The following SPATA31A1 variants were observed in gnomAD, a reference collection of about 807,000 sequenced individuals.
SPATA31A1 encodes the protein SPATA31 subfamily A member 1, also known as spermatogenesis-associated protein 31A1.
For missense variants in SPATA31A1, 579 were observed against 1,476.3 expected, an observed-to-expected ratio of 0.39 and a Z score of 9.96; for synonymous variants, 194 against 573.4, an observed-to-expected ratio of 0.34 and a Z score of 9.45.
Position 39,357,765 on chromosome 9 carries a change from A to G in SPATA31A1, c.255A>G (p.Arg85=). ...RMKNHSLRAG[R]ECPRGLQETS... is the part of the protein sequence containing the mutation. ...CAGTCTCCTGATTTCCAGCTGGTAG[A>G]GAGTGCCCGAGAGGCCTGCAGGAGA... Residue 85 remains arginine (R), a synonymous_variant, in exon 3 of 4, where the codon AGA becomes AGG. Transcript: ENST00000377647. The G allele has an allele frequency of 6.4e-7, 1 of 1,562,994 alleles. No individual in the cohort carries two copies. Among genetic ancestry groups the G allele is most frequent in the Non-Finnish European group, 8.7e-7 (1 of 1,146,786 alleles).
At position 39,361,211 on chromosome 9, in the gene SPATA31A1, A is replaced by G. The variant is rs1353973363; in HGVS notation, c.3446A>G (p.Gln1149Arg). 35 of 1,611,538 alleles carry G rather than the reference A, an allele frequency of 2.2e-5. 1 individual carries two copies. In the Admixed American group the frequency reaches 2.5e-4, roughly 12 times the overall value. The change falls in exon 4 of 4, where the codon CAG becomes CGG. Residue 1149 changes from glutamine to arginine, a missense_variant. Transcript: ENST00000377647. ...TEDTHQDEGV[Q>R]LLPSKKQPPS... ...GACACCCATCAGGATGAAGGCGTCCAGCTACTGCCATCAAAGAAACAGCCT... is the reference window on the plus strand; with the variant it reads ...GACACCCATCAGGATGAAGGCGTCCGGCTACTGCCATCAAAGAAACAGCCT...
At position 39,358,734 on chromosome 9, in the gene SPATA31A1, T is replaced by C. The variant is rs1587773360; in HGVS notation, c.969T>C (p.Asp323=). 6.2e-7 allele frequency: 1 copy of C among 1,604,882 alleles called. No individual in the cohort carries two copies. Among genetic ancestry groups the C allele is most frequent in the Non-Finnish European group, 8.5e-7 (1 of 1,179,798 alleles). ...EAGSLFLLSS[D]GQNAVGIQVT... ...GTAGCCTGTTTTTGCTCAGCTCTGATGGCCAGAATGCCGTGGGGATACAAG... is the reference window on the plus strand; with the variant it reads ...GTAGCCTGTTTTTGCTCAGCTCTGACGGCCAGAATGCCGTGGGGATACAAG... The change falls in exon 4 of 4, where the codon GAT becomes GAC. Residue 323 remains aspartate, a synonymous_variant. Transcript: ENST00000377647.
chr9:39,361,235 C>T lies in SPATA31A1; in HGVS notation c.3470C>T (p.Pro1157Leu). The T allele has an allele frequency of 6.2e-7, 1 of 1,611,628 alleles. No homozygotes were observed. Among genetic ancestry groups the T allele is most frequent in the East Asian group, 2.2e-5 (1 of 44,882 alleles). Reference sequence around the variant, plus strand: ...CAGCTACTGCCATCAAAGAAACAGCCTCCTTCAGTAAGCCACTTTGGAGGA... The same window carrying T: ...CAGCTACTGCCATCAAAGAAACAGCTTCCTTCAGTAAGCCACTTTGGAGGA... ...GVQLLPSKKQ[P>L]PSVSHFGGNI... The change falls in exon 4 of 4, where the codon CCT (proline) becomes CTT (leucine). Residue 1157 changes from proline (P) to leucine (L), a missense_variant. Physicochemically the swap from Pro to Leu is moderately conservative, Grantham distance 98. Coordinates refer to ENST00000377647, the MANE Select transcript of SPATA31A1 (RefSeq NM_001085452.4).
In SPATA31A1 at chr9:39,359,185, C is replaced by T; in HGVS notation, c.1420C>T (p.His474Tyr). 1 of 1,611,868 alleles carries T rather than the reference C, an allele frequency of 6.2e-7. No homozygotes were observed. The highest frequency in any genetic ancestry group is 8.5e-7 in the Non-Finnish European group (1 of 1,179,858). Residue 474 changes from histidine to tyrosine, a missense_variant, in exon 4 of 4, where the codon CAT becomes TAT. Physicochemically the swap from His to Tyr is moderately conservative, Grantham distance 83. Coordinates refer to ENST00000377647, the MANE Select transcript of SPATA31A1 (RefSeq NM_001085452.4). ...PLLFQAQPPS[H>Y]LGPECQPFIS... ...GCTTTTCCAGGCCCAGCCCCCGTCC[C>T]ATCTGGGGCCCGAGTGCCAACCCTT...
rs1823463231 is a variant in SPATA31A1 at position 39,361,392 on chromosome 9, C to T, written c.3627C>T (p.Leu1209=). Reference sequence around the variant, plus strand: ...GCAGCAGTGCTGAAGCTCAGGGTCTCATGACGGCAGTTGGACAAATGCTGG... The same window carrying T: ...GCAGCAGTGCTGAAGCTCAGGGTCTTATGACGGCAGTTGGACAAATGCTGG... The part of the protein sequence containing the change: ...VYSSSAEAQG[L]MTAVGQMLDE... Residue 1209 remains leucine, a synonymous_variant, in exon 4 of 4, where the codon CTC becomes CTT. Coordinates refer to ENST00000377647, the MANE Select transcript of SPATA31A1 (RefSeq NM_001085452.4). The T allele has an allele frequency of 8.7e-6, 14 of 1,613,634 alleles. No homozygotes were observed. The highest frequency in any genetic ancestry group is 1.1e-5 in the Non-Finnish European group (13 of 1,179,838).
chr9:39,361,892 A>G lies in SPATA31A1; in HGVS notation c.*83A>G, dbSNP rs1239796281. 1.6e-4 allele frequency: 247 copies of G among 1,582,316 alleles called. 5 individuals carry two copies. In the African/African-American group the frequency reaches 2.9e-3, roughly 18 times the overall value. On this transcript the variant is annotated 3_prime_UTR_variant, in exon 4 of 4. Transcript: ENST00000377647. Reference sequence around the variant, plus strand: ...AAAAATTCACTCTATGTAGAGAAAAAATATTTTCTCTCATGTTAGTACATG... The same window carrying G: ...AAAAATTCACTCTATGTAGAGAAAAGATATTTTCTCTCATGTTAGTACATG...
Position 39,358,463 on chromosome 9 carries a change from C to T in SPATA31A1, c.698C>T (p.Thr233Ile). The T allele has an allele frequency of 6.4e-7, 1 of 1,562,184 alleles. No homozygotes were observed. The highest frequency in any genetic ancestry group is 8.6e-7 in the Non-Finnish European group (1 of 1,158,268). The change falls in exon 4 of 4, where the codon ACA becomes ATA. Residue 233 changes from threonine to isoleucine, a missense_variant. By Grantham distance (89) the Thr-to-Ile change is moderately conservative. Transcript: ENST00000377647. ...GFTAPPLRDSTLITPSHCDSV... is the reference protein window; with the variant it reads ...GFTAPPLRDSILITPSHCDSV... The stretch of plus-strand genomic sequence containing the variant: ...ACTGCTCCTCCCCTGCGGGACTCCA[C>T]ACTGATAACTCCATCTCACTGTGAC...
In SPATA31A1 at chr9:39,355,942, C is replaced by T. The variant is rs531311601; in HGVS notation, c.189+23C>T. ...AAGGTAAGGAACCCTCAGTCCCAAC[C>T]CACAGAGCTTGATTCTCTCCTTTCT... On this transcript the variant is annotated intron_variant, in intron 1 of 3. Transcript: ENST00000377647. 4.3e-3 allele frequency: 803 copies of T among 187,680 alleles called. 8 individuals carry two copies. The highest frequency in any genetic ancestry group is 6.0e-3 in the Non-Finnish European group (697 of 116,876). The allele number at this position is 187,680 out of a possible 1,614,324, so 11.6% of individuals were successfully genotyped here.
chr9:39,361,915 A>T lies in SPATA31A1; in HGVS notation c.*106A>T. On this transcript the variant is annotated 3_prime_UTR_variant, in exon 4 of 4. Transcript: ENST00000377647. ...AAAATATTTTCTCTCATGTTAGTAC[A>T]TGCAGAACATTTAATATACCACAAT... is the stretch of plus-strand genomic sequence containing the variant. 7.6e-7 allele frequency: 1 copy of T among 1,314,928 alleles called. No individual in the cohort carries two copies. The highest frequency in any genetic ancestry group is 1.4e-5 in the South Asian group (1 of 72,740). The allele number at this position is 1,314,928 out of a possible 1,614,324, so 81.5% of individuals were successfully genotyped here. A position where few individuals can be genotyped will look rare whatever the true frequency, so the allele number is the denominator to read the frequency against.
chr9:39,358,019 T>A, intron 3 of SPATA31A1, 55 bp from the exon 4 acceptor site: 2 of 1,484,906 alleles, frequency 1.3e-6, no homozygotes, highest in South Asian at 1.2e-5. Flanking sequence ...GCACCCACTC[T>A]GCCCTCCGGC....
chr9:39,361,565 G>T lies in SPATA31A1; in HGVS notation c.3800G>T (p.Ser1267Ile), dbSNP rs1823469556. The T allele has an allele frequency of 5.6e-6, 9 of 1,613,222 alleles. No homozygotes were observed. In the Admixed American group the frequency reaches 8.3e-5, roughly 15 times the overall value. ...EHGRILSYAASSQQATLKSQG... is the reference protein window; with the variant it reads ...EHGRILSYAAISQQATLKSQG... Reference sequence around the variant, plus strand: ...GGCAGAATACTGAGCTATGCAGCCAGCAGTCAACAAGCCACTCTCAAGAGC... The same window carrying T: ...GGCAGAATACTGAGCTATGCAGCCATCAGTCAACAAGCCACTCTCAAGAGC... Residue 1267 changes from serine to isoleucine, a missense_variant, in exon 4 of 4, where the codon AGC becomes ATC. Transcript: ENST00000377647.
Position 39,361,785 on chromosome 9 carries a change from C to T in SPATA31A1, c.4020C>T (p.His1340=). ...ASSHHHHCPR[H]CLLWEGI ...GCCACCATCACCACTGTCCAAGGCA[C>T]TGTCTTCTTTGGGAAGGTATCTGAT... is the stretch of plus-strand genomic sequence containing the variant. Residue 1340 remains histidine, a synonymous_variant, in exon 4 of 4, where the codon CAC becomes CAT. Transcript: ENST00000377647. 6 of 1,611,866 alleles carry T rather than the reference C, an allele frequency of 3.7e-6. No homozygotes were observed. Among genetic ancestry groups the T allele is most frequent in the Non-Finnish European group, 5.1e-6 (6 of 1,179,788 alleles).
rs1823387765 is a variant in SPATA31A1, at chr9:39,358,650, A to T, written c.885A>T (p.Ser295=). ...ETARTSCAFN[S]SVQQDHLSRH... is the part of the protein sequence containing the mutation. ...CCAGAACCTCGTGCGCCTTTAACTC[A>T]TCAGTCCAGCAAGATCATCTTTCCC... The change falls in exon 4 of 4, where the codon TCA becomes TCT. Residue 295 remains serine (S), a synonymous_variant. Transcript: ENST00000377647. 1 of 1,607,360 alleles carries T rather than the reference A, an allele frequency of 6.2e-7. No homozygotes were observed. The highest frequency in any genetic ancestry group is 1.7e-5 in the Admixed American group (1 of 59,898).
At position 39,358,831 on chromosome 9, in the gene SPATA31A1, C is replaced by T; in HGVS notation, c.1066C>T (p.Pro356Ser). ...TGGATCATTTACAGATCGAATGACC[C>T]CAGAAAAGCACTTAAATTCTTTGCG... ...NVGSFTDRMT[P>S]EKHLNSLRNL... The change falls in exon 4 of 4, where the codon CCA (proline) becomes TCA (serine). Residue 356 changes from proline (P) to serine (S), a missense_variant. Physicochemically the swap from Pro to Ser is moderately conservative, Grantham distance 74 (BLOSUM62 -1). Transcript: ENST00000377647. 3.8e-6 allele frequency: 6 copies of T among 1,596,544 alleles called. No individual in the cohort carries two copies. The highest frequency in any genetic ancestry group is 1.7e-5 in the Admixed American group (1 of 59,986).
chr9:39,359,324 A>G lies in SPATA31A1; in HGVS notation c.1559A>G (p.Asn520Ser). The change falls in exon 4 of 4, where the codon AAC becomes AGC. Residue 520 changes from asparagine to serine, a missense_variant. By Grantham distance (46) the Asn-to-Ser change is conservative. Coordinates refer to ENST00000377647, the MANE Select transcript of SPATA31A1 (RefSeq NM_001085452.4). ...LSPAFPSLIK[N>S]TGVACPASQN... Reference sequence around the variant, plus strand: ...CCTGCTTTTCCATCCCTGATTAAGAACACTGGAGTAGCTTGCCCTGCATCG... The same window carrying G: ...CCTGCTTTTCCATCCCTGATTAAGAGCACTGGAGTAGCTTGCCCTGCATCG... 2 of 1,605,218 alleles carry G rather than the reference A, an allele frequency of 1.2e-6. No homozygotes were observed. Among genetic ancestry groups the G allele is most frequent in the Non-Finnish European group, 1.7e-6 (2 of 1,176,846 alleles).
At chr9:39,356,028 A>G in intron 1 of SPATA31A1, 109 bp downstream of exon 1, 5 of 122,198 alleles carry the variant, frequency 4.1e-5, no homozygotes, top group Non-Finnish European at 6.7e-5. Context: ...GGGAAGTCTC[A>G]GAAGAGACCA....
rs1343200468 is a variant in SPATA31A1 at position 39,361,187 on chromosome 9, A to T, written c.3422A>T (p.Asp1141Val). Residue 1141 changes from aspartate to valine, a missense_variant, in exon 4 of 4, where the codon GAC (aspartate) becomes GTC (valine). Physicochemically the swap from Asp to Val is radical, Grantham distance 152. Transcript: ENST00000377647. ...CTTACCCCAGTCAGGAAAACAGAAG[A>T]CACCCATCAGGATGAAGGCGTCCAG... ...PQLTPVRKTE[D>V]THQDEGVQLL... 1.2e-6 allele frequency: 2 copies of T among 1,611,328 alleles called. No homozygotes were observed. The highest frequency in any genetic ancestry group is 1.7e-5 in the Admixed American group (1 of 59,942).
In SPATA31A1 at chr9:39,361,255, G is replaced by A. The variant is rs1044281654; in HGVS notation, c.3490G>A (p.Gly1164Arg). Reference sequence around the variant, plus strand: ...ACAGCCTCCTTCAGTAAGCCACTTTGGAGGAAACATCAAGCAATTTTTTCA... The same window carrying A: ...ACAGCCTCCTTCAGTAAGCCACTTTAGAGGAAACATCAAGCAATTTTTTCA... Reference protein sequence around the residue: ...KKQPPSVSHFGGNIKQFFQWI... With the variant: ...KKQPPSVSHFRGNIKQFFQWI... Residue 1164 changes from glycine (G) to arginine (R), a missense_variant, in exon 4 of 4, where the codon GGA (glycine) becomes AGA (arginine). Transcript: ENST00000377647. 23 of 1,611,702 alleles carry A rather than the reference G, an allele frequency of 1.4e-5. 1 individual carries two copies. The African/African-American group carries it at 2.5e-4, about 18-fold the overall frequency.
Position 39,359,141 on chromosome 9 carries a change from A to G in SPATA31A1, c.1376A>G (p.Glu459Gly). ...TCCAATGTCTGCCCAATTCAAAGGGAGACTACAATGTCCCCACTGCTTTTC... is the reference window on the plus strand; with the variant it reads ...TCCAATGTCTGCCCAATTCAAAGGGGGACTACAATGTCCCCACTGCTTTTC... ...EMSNVCPIQR[E>G]TTMSPLLFQA... is the part of the protein sequence containing the mutation. The change falls in exon 4 of 4, where the codon GAG (glutamate) becomes GGG (glycine). Residue 459 changes from glutamate to glycine, a missense_variant. By Grantham distance (98) the Glu-to-Gly change is moderately conservative. Coordinates refer to ENST00000377647, the MANE Select transcript of SPATA31A1 (RefSeq NM_001085452.4). 6.8e-6 allele frequency: 11 copies of G among 1,611,464 alleles called. No individual in the cohort carries two copies. The highest frequency in any genetic ancestry group is 1.3e-5 in the African/African-American group (1 of 74,646).
Sources: allele counts gnomAD v4.1 joint callset, GRCh38; gene constraint gnomAD v4.1.1; transcripts MANE v1.5; gene names NCBI Gene and HGNC (gene_info 2026-07-23, HGNC 2026-07-21).